NRROS: variants seen among roughly 807,000 people sequenced by gnomAD.
The protein encoded by NRROS is transforming growth factor beta activator LRRC33.
In NRROS, 6 loss-of-function variants were observed where a neutral mutation model predicts 12.0. The observed-to-expected ratio is 0.50, with a 90% CI of 0.27 to 0.98. The LOEUF is 0.98. NRROS is among the 50% of genes least tolerant of loss of function. NRROS has a pLI of 0.11. For missense variants in NRROS, 857 were observed against 888.2 expected (o/e 0.96, Z 0.45); for synonymous variants, 462 against 410.2 (o/e 1.13, Z -1.53).
At chr3:196,657,408 C>T (rs1166109055) in intron 2 of NRROS, among the ~76,000 whole-genome samples, 1 of 151,684 alleles carries the variant, frequency 6.6e-6, no homozygotes, top group Non-Finnish European at 1.5e-5. Flanking sequence ...CAGGGAGGAG[C>T]GCAACACCCA....
rs62636587 is a variant in NRROS, at chr3:196,661,300, A to G, written c.1657A>G (p.Arg553Gly). 6 of 1,609,882 alleles carry G rather than the reference A, an allele frequency of 3.7e-6. No homozygotes were observed. In the Admixed American group the frequency reaches 8.4e-5, roughly 23 times the overall value. The change falls in exon 3 of 3, where the codon AGG becomes GGG. Residue 553 changes from arginine (R) to glycine (G), a missense_variant. Arg to Gly is a moderately radical substitution (Grantham distance 125). Transcript: ENST00000328557. The part of the protein sequence containing the change: ...LSGNCLTTFP[R>G]FGGSLALETL... ...GGGGAATTGCTTGACCACCTTCCCA[A>G]GGTTTGGGGGCAGCCTGGCCCTGGA...
In NRROS at chr3:196,642,683, G is replaced by T. The variant is rs368669554; in HGVS notation, c.-14+2808G>T. ...GGAACCAGGAGCTGGGATCAGACCC[G>T]AACACACAGACTTTTGAAGAAAGGA... On this transcript the variant is annotated intron_variant, in intron 1 of 2. Coordinates refer to ENST00000328557, the MANE Select transcript of NRROS (RefSeq NM_198565.3). Among the ~76,000 whole-genome samples the T allele has an allele frequency of 5.9e-5, 9 of 152,242 alleles. No homozygotes were observed. In the East Asian group the frequency reaches 1.2e-3, roughly 20 times the overall value.
intron 2 of NRROS, among the ~76,000 whole-genome samples, chr3:196,659,288 C>G (rs556124783): frequency 1.8e-3 from 266 of 145,106 alleles, no homozygotes; most frequent in Middle Eastern, 3.6e-3. Flanking sequence ...GGTGAAAGCT[C>G]TCAAGTCCTT....
intron 1 of NRROS, among the ~76,000 whole-genome samples, chr3:196,652,015 A>G (rs775870884): frequency 2.0e-5 from 3 of 152,162 alleles, no homozygotes; most frequent in Non-Finnish European, 4.4e-5. Context: ...GAGATTCAGA[A>G]CCTTCAGAAG....
chr3:196,643,561 C>T (rs1158195966), intron 1 of NRROS, among the ~76,000 whole-genome samples: 1 of 97,664 alleles, frequency 1.0e-5, no homozygotes, highest in Non-Finnish European at 2.6e-5. Flanking sequence ...GGGGATTTCT[C>T]CCAGGAGAGA....
At chr3:196,649,383 C>A (rs1208771969) in intron 1 of NRROS, among the ~76,000 whole-genome samples, 1 of 152,216 alleles carries the variant, frequency 6.6e-6, no homozygotes, top group Non-Finnish European at 1.5e-5. Context: ...CTTGTGTGTC[C>A]ATGAGTGTCA....
chr3:196,654,203 G>A lies in NRROS; in HGVS notation c.-13-324G>A, dbSNP rs906300128. ...ACTTCAGCAGAATTACAAAATATGG[G>A]AAACTCCAGGTGACTGGAGGCCTGG... On this transcript the variant is annotated intron_variant, in intron 1 of 2. Coordinates refer to ENST00000328557, the MANE Select transcript of NRROS (RefSeq NM_198565.3). This position sits in a 1 kb window ranked among gnomAD's most constrained non-coding sequence, Gnocchi z 4.4. Among the ~76,000 whole-genome samples, 34 of 152,162 alleles carry A rather than the reference G, an allele frequency of 2.2e-4. No homozygotes were observed. Among genetic ancestry groups the A allele is most frequent in the African/African-American group, 7.7e-4 (32 of 41,432 alleles).
At chr3:196,655,916 T>C (rs1288998487) in intron 2 of NRROS, among the ~76,000 whole-genome samples, 3 of 152,226 alleles carry the variant, frequency 2.0e-5, no homozygotes, top group Non-Finnish European at 4.4e-5. Flanking sequence ...CTCACGCCTG[T>C]CATCCCAGCA....
At chr3:196,653,287 G>C (rs1434971636) in intron 1 of NRROS, among the ~76,000 whole-genome samples, 6 of 152,232 alleles carry the variant, frequency 3.9e-5, no homozygotes, top group Admixed American at 3.9e-4. Flanking sequence ...GTGAAAGCTG[G>C]CTTACCCGGT....
chr3:196,657,286 G>C (rs1433399096), intron 2 of NRROS, among the ~76,000 whole-genome samples: 2 of 152,042 alleles, frequency 1.3e-5, no homozygotes, highest in Non-Finnish European at 2.9e-5. Context: ...ACTTCAGCGG[G>C]GCCACAGGGA....
At chr3:196,642,197 GCA>G (rs1053273934) in intron 1 of NRROS, among the ~76,000 whole-genome samples, 11 of 150,680 alleles carry the variant, frequency 7.3e-5, no homozygotes, top group Admixed American at 2.7e-4. Context: ...AGCCTCACGT[GCA>G]ACAATAAACC....
intron 1 of NRROS, among the ~76,000 whole-genome samples, chr3:196,640,638 G>C (rs893066978): frequency 6.6e-6 from 1 of 152,238 alleles, no homozygotes; most frequent in African/African-American, 2.4e-5. Flanking sequence ...ATGTGGGCCG[G>C]CTTCTGAAGG....
chr3:196,646,687 C>G (rs565145541), intron 1 of NRROS, among the ~76,000 whole-genome samples: 1 of 152,140 alleles, frequency 6.6e-6, no homozygotes. Context: ...TGGGAAGGGC[C>G]CAGGGGAAGA....
intron 1 of NRROS, among the ~76,000 whole-genome samples, chr3:196,642,937 G>A (rs1056810214): frequency 2.0e-5 from 3 of 151,998 alleles, no homozygotes; most frequent in African/African-American, 7.2e-5. Flanking sequence ...GGGTGTGGTG[G>A]TGAGTCCCTG....
chr3:196,661,646 C>T lies in NRROS; in HGVS notation c.2003C>T (p.Thr668Ile), dbSNP rs1218252794. 6.2e-7 allele frequency: 1 copy of T among 1,609,892 alleles called. No individual in the cohort carries two copies. The highest frequency in any genetic ancestry group is 8.5e-7 in the Non-Finnish European group (1 of 1,179,962). ...TGCCTCACCCTGCTGGTGGCCTGCA[C>T]TGTCATCGTCCTCACTTTTAAGAAG... ...PSCLTLLVAC[T>I]VIVLTFKKPL... The change falls in exon 3 of 3, where the codon ACT (threonine) becomes ATT (isoleucine). Residue 668 changes from threonine (T) to isoleucine (I), a missense_variant. By Grantham distance (89) the Thr-to-Ile change is moderately conservative (BLOSUM62 -1). Coordinates refer to ENST00000328557, the MANE Select transcript of NRROS (RefSeq NM_198565.3).
Position 196,661,624 on chromosome 3 carries a change from C to G in NRROS, c.1981C>G (p.Leu661Val). Residue 661 changes from leucine to valine, a missense_variant, in exon 3 of 3, where the codon CTC becomes GTC. By Grantham distance (32) the Leu-to-Val change is conservative. Coordinates refer to ENST00000328557, the MANE Select transcript of NRROS (RefSeq NM_198565.3). ...CCTCGTGCTCATCCTCCCCAGCTGC[C>G]TCACCCTGCTGGTGGCCTGCACTGT... ...LYLVLILPSC[L>V]TLLVACTVIV... 1 of 1,612,642 alleles carries G rather than the reference C, an allele frequency of 6.2e-7. No individual in the cohort carries two copies. Among genetic ancestry groups the G allele is most frequent in the Non-Finnish European group, 8.5e-7 (1 of 1,179,938 alleles).
At chr3:196,643,454 C>T (rs1441931239) in intron 1 of NRROS, among the ~76,000 whole-genome samples, 1 of 152,234 alleles carries the variant, frequency 6.6e-6, no homozygotes, top group Non-Finnish European at 1.5e-5. Flanking sequence ...GACTCCCCTC[C>T]TCCAGCCCCA....
At chr3:196,641,128 C>T (rs1737200118) in intron 1 of NRROS, among the ~76,000 whole-genome samples, 1 of 141,246 alleles carries the variant, frequency 7.1e-6, no homozygotes, top group Non-Finnish European at 1.5e-5. Context: ...TTAACTCCTG[C>T]CTTTAGGTTA....
chr3:196,661,582 G>A lies in NRROS; in HGVS notation c.1939G>A (p.Asp647Asn), dbSNP rs775050633. Residue 647 changes from aspartate to asparagine, a missense_variant, in exon 3 of 3, where the codon GAC (aspartate) becomes AAC (asparagine). Coordinates refer to ENST00000328557, the MANE Select transcript of NRROS (RefSeq NM_198565.3). ...TCGGGACTGCAAGTGGGAGCGGCTGGACCTGGGCCTGCTCTACCTCGTGCT... is the reference window on the plus strand; with the variant it reads ...TCGGGACTGCAAGTGGGAGCGGCTGAACCTGGGCCTGCTCTACCTCGTGCT... ...VPRDCKWERL[D>N]LGLLYLVLIL... 1.2e-6 allele frequency: 2 copies of A among 1,613,800 alleles called. No homozygotes were observed. The highest frequency in any genetic ancestry group is 1.7e-5 in the Admixed American group (1 of 60,000).
Sources: gnomAD v4.1 joint callset for allele counts (sites outside exome capture counted in the v4.1 genomes callset) on GRCh38, gnomAD v4.1.1 for gene constraint, Gnocchi (gnomAD v3.1) non-coding constraint, MANE v1.5 for transcripts, NCBI Gene and HGNC (gene_info 2026-07-23, HGNC 2026-07-21) for gene names.